Variants in SLC41A1 observed in about 807,000 individuals in gnomAD.
SLC41A1 encodes solute carrier family 41 (magnesium transporter), member 1.
SLC41A1 carries 20 observed loss-of-function variants against 47.3 expected under a neutral mutation model. The observed-to-expected ratio is 0.42, with a 90% CI of 0.30 to 0.61. The LOEUF (loss-of-function observed/expected upper bound fraction) is 0.61. Among genes scored for constraint, SLC41A1 ranks in the 20% least tolerant of loss-of-function variants. The pLI is 0.17. For synonymous variants in SLC41A1, 282 were observed against 272.7 expected (o/e 1.03, Z -0.34); for missense variants, 504 against 674.1 (o/e 0.75, Z 2.79).
At chr1:205,797,552 G>C (rs1445799350) in intron 7 of SLC41A1, among the ~76,000 whole-genome samples, 1 of 152,194 alleles carries the variant, frequency 6.6e-6, no homozygotes, top group African/African-American at 2.4e-5. Context: ...AACTGTTGGG[G>C]GAAGAATCTC....
Position 205,812,934 on chromosome 1 carries a change from C to A in SLC41A1, c.-773G>T. ...ACAGTCCTCCTTGGCCCCCGGCGTG[C>A]CCCCCCACACCCCCAGCCAAGGCGA... On this transcript the variant is annotated 5_prime_UTR_variant, in exon 1 of 11. Coordinates refer to ENST00000367137, the MANE Select transcript of SLC41A1 (RefSeq NM_173854.6). 1 of 985,080 alleles carries A rather than the reference C, an allele frequency of 1.0e-6. No individual in the cohort carries two copies. The highest frequency in any genetic ancestry group is 4.7e-5 in the South Asian group (1 of 21,266). 61.0% of individuals were successfully genotyped at this position (985,080 alleles called of 1,614,324 possible).
intron 10 of SLC41A1, 72 bp downstream of exon 10, chr1:205,794,798 G>C (rs1655705076): frequency 6.3e-7 from 1 of 1,595,128 alleles, no homozygotes; most frequent in South Asian, 1.1e-5. Flanking sequence ...AAGAGGCCAA[G>C]TCTGGCCTCC....
chr1:205,798,509 C>G (rs759801809), intron 6 of SLC41A1, among the ~76,000 whole-genome samples, 160 bp downstream of exon 6: 2 of 152,174 alleles, frequency 1.3e-5, no homozygotes, highest in African/African-American at 2.4e-5. Context: ...AATTTGAGAT[C>G]AGTACTTAGC....
Position 205,812,907 on chromosome 1 carries a change from CGACAGTCCTCCTT to C in SLC41A1, c.-759_-747del, listed in dbSNP as rs1656193291. On this transcript the variant is annotated 5_prime_UTR_variant, in exon 1 of 11. Coordinates refer to ENST00000367137, the MANE Select transcript of SLC41A1 (RefSeq NM_173854.6). ...ACCCCCTCTTCTCATCACTCCTCCT[CGACAGTCCTCCTT>C]GGCCCCCGGCGTGCCCCCCCACACC... The C allele has an allele frequency of 7.1e-6, 7 of 985,538 alleles. No homozygotes were observed. The highest frequency in any genetic ancestry group is 9.4e-5 in the South Asian group (2 of 21,294). The allele number at this position is 985,538 out of a possible 1,614,324, so 61.0% of individuals were successfully genotyped here. A position where few individuals can be genotyped will look rare whatever the true frequency, so the allele number is the denominator to read the frequency against.
intron 1 of SLC41A1, among the ~76,000 whole-genome samples, chr1:205,811,331 C>A (rs1656150364): frequency 6.6e-6 from 1 of 152,114 alleles, no homozygotes. Context: ...ACCGTGGTCA[C>A]CAGCAATGAG....
At chr1:205,799,995 G>A (rs1571644318) in intron 3 of SLC41A1, among the ~76,000 whole-genome samples, 165 bp from the exon 4 acceptor site, 2 of 152,362 alleles carry the variant, frequency 1.3e-5, no homozygotes, top group African/African-American at 4.8e-5. Context: ...AAACTGAGGT[G>A]AAAGGGAAGG....
chr1:205,799,609 C>T, intron 4 of SLC41A1, 150 bp downstream of exon 4: 1 of 856,548 alleles, frequency 1.2e-6, no homozygotes, highest in Non-Finnish European at 1.9e-6. Flanking sequence ...CCTGGGTAAC[C>T]TAGTTACCTC....
Position 205,795,150 on chromosome 1 carries a change from C to G in SLC41A1, c.1208-132G>C, listed in dbSNP as rs530789358. 9.1e-6 allele frequency: 13 copies of G among 1,429,226 alleles called. No homozygotes were observed. The African/African-American group carries it at 1.8e-4, about 20-fold the overall frequency. The allele number at this position is 1,429,226 out of a possible 1,614,324, so 88.5% of individuals were successfully genotyped here. ...AGATGAATGTCTCTACTTCTGCATC[C>G]TGTGGTCTCCAACCCCTAGGGTGCT... On this transcript the variant is annotated intron_variant, in intron 9 of 10. Transcript: ENST00000367137.
At chr1:205,807,650 CTTTTTTTTTTTTT>C (rs71152452) in intron 2 of SLC41A1, among the ~76,000 whole-genome samples, 2 of 98,512 alleles carry the variant, frequency 2.0e-5, no homozygotes, top group Non-Finnish European at 3.8e-5. Flanking sequence ...CTCGTAGAGT[CTTTTTTTTTTTTT>C]TTTTTTTTTT....
chr1:205,804,368 G>C (rs1420034713), intron 2 of SLC41A1, among the ~76,000 whole-genome samples: 4 of 152,114 alleles, frequency 2.6e-5, no homozygotes, highest in Non-Finnish European at 5.9e-5. Flanking sequence ...CAAGACCTGG[G>C]ACTCTCCTTA....
chr1:205,797,959 T>C lies in SLC41A1; in HGVS notation c.937A>G (p.Arg313Gly). ...TCCCAGCCCGAGTACAACACCTCCCTTGTGGCTGGACTTCGTCGGGCCAGC... is the reference window on the plus strand; with the variant it reads ...TCCCAGCCCGAGTACAACACCTCCCCTGTGGCTGGACTTCGTCGGGCCAGC... ...VVLARRSPATREVLYSGWEPV... is the reference protein window; with the variant it reads ...VVLARRSPATGEVLYSGWEPV... Residue 313 changes from arginine (R) to glycine (G), a missense_variant, in exon 7 of 11, where the codon AGG becomes GGG. By Grantham distance (125) the Arg-to-Gly change is moderately radical. Coordinates refer to ENST00000367137, the MANE Select transcript of SLC41A1 (RefSeq NM_173854.6). 6.2e-7 allele frequency: 1 copy of C among 1,614,126 alleles called. No homozygotes were observed.
In SLC41A1 at chr1:205,797,821, C is replaced by G. The variant is rs1286498173; in HGVS notation, c.992+83G>C. Reference sequence around the variant, plus strand: ...GAACACATTTCTAGGGTCTGACCCCCACCCCATCTCTCCAGGGTTTAAAAA... The same window carrying G: ...GAACACATTTCTAGGGTCTGACCCCGACCCCATCTCTCCAGGGTTTAAAAA... On this transcript the variant is annotated intron_variant, in intron 7 of 10. Coordinates refer to ENST00000367137, the MANE Select transcript of SLC41A1 (RefSeq NM_173854.6). The G allele has an allele frequency of 3.2e-6, 5 of 1,562,652 alleles. No individual in the cohort carries two copies. The Admixed American group carries it at 8.3e-5, about 26-fold the overall frequency.
At chr1:205,805,131 AG>A (rs1239894450) in intron 2 of SLC41A1, among the ~76,000 whole-genome samples, 1 of 152,120 alleles carries the variant, frequency 6.6e-6, no homozygotes, top group Non-Finnish European at 1.5e-5. Context: ...TCACAGTAAC[AG>A]CCCCTATGCA....
chr1:205,806,106 A>G (rs1371857698), intron 2 of SLC41A1, among the ~76,000 whole-genome samples: 1 of 152,234 alleles, frequency 6.6e-6, no homozygotes, highest in East Asian at 1.9e-4. Flanking sequence ...GGCTTTTCCA[A>G]AAGGCATCCT....
intron 2 of SLC41A1, chr1:205,801,366 C>T (rs1655874553): frequency 2.6e-6 from 1 of 383,738 alleles, no homozygotes; most frequent in African/African-American, 2.1e-5. Context: ...AATGGGGACC[C>T]ACACAGCTGA....
intron 6 of SLC41A1, among the ~76,000 whole-genome samples, 188 bp downstream of exon 6, chr1:205,798,481 G>A (rs567573764): frequency 1.3e-5 from 2 of 152,162 alleles, no homozygotes; most frequent in South Asian, 4.1e-4. Flanking sequence ...CTTTTCCCCT[G>A]CCCCTGATGC....
chr1:205,791,415 G>T lies in SLC41A1; in HGVS notation c.*118C>A. On this transcript the variant is annotated 3_prime_UTR_variant, in exon 11 of 11. Transcript: ENST00000367137. The surrounding 1 kb of genome is among the most constrained non-coding windows in gnomAD (Gnocchi z 4.0). ...TCCCATTGAAAATAATGAGAATTTG[G>T]TATCAAAGTGAAGTCCTAGAAAGAG... 8.3e-7 allele frequency: 1 copy of T among 1,210,050 alleles called. No homozygotes were observed. 75.0% of individuals were successfully genotyped at this position (1,210,050 alleles called of 1,614,324 possible).
chr1:205,807,681 C>A (rs941760790), intron 2 of SLC41A1, among the ~76,000 whole-genome samples: 9 of 104,756 alleles, frequency 8.6e-5, no homozygotes, highest in African/African-American at 2.9e-4. Flanking sequence ...TTTGAGACAG[C>A]GTTTGGCTCT....
rs1571636697 is a variant in SLC41A1 at position 205,791,790 on chromosome 1, A to C, written c.1357-72T>G. The C allele has an allele frequency of 6.4e-7, 1 of 1,572,468 alleles. No individual in the cohort carries two copies. ...GGGGAGCCAGAGGCCACATGATCAG[A>C]CCCATTCAGTGCATCACAGGGCTTG... On this transcript the variant is annotated intron_variant, in intron 10 of 10. Coordinates refer to ENST00000367137, the MANE Select transcript of SLC41A1 (RefSeq NM_173854.6). The surrounding 1 kb of genome is among the most constrained non-coding windows in gnomAD (Gnocchi z 4.0).
Sources: gnomAD v4.1 joint callset for allele counts (sites outside exome capture counted in the v4.1 genomes callset) on GRCh38, gnomAD v4.1.1 for gene constraint, Gnocchi (gnomAD v3.1) non-coding constraint, MANE v1.5 for transcripts, NCBI Gene and HGNC (gene_info 2026-07-23, HGNC 2026-07-21) for gene names.